The following LRCH1 variants were observed in gnomAD, a reference collection of about 807,000 sequenced individuals.
The protein encoded by LRCH1 is leucine rich repeats and calponin homology domain containing 1.
Under a neutral mutation model 94.9 loss-of-function variants are expected in LRCH1, and 23 were observed. The observed-to-expected ratio is 0.24, with a 90% CI of 0.17 to 0.34. LRCH1 has a LOEUF of 0.34. LRCH1 is among the 10% of genes least tolerant of loss of function. The probability of loss-of-function intolerance (pLI) is 1.00; values close to 1 mark genes in which losing one functional copy is unlikely to be tolerated. For missense variants in LRCH1, 790 were observed against 945.9 expected, an observed-to-expected ratio of 0.84 and a Z score of 2.16; for synonymous variants, 364 against 354.9, an observed-to-expected ratio of 1.03 and a Z score of -0.29.
intron 13 of LRCH1, among the ~76,000 whole-genome samples, chr13:46,710,547 C>A (rs997424093): frequency 1.3e-5 from 2 of 152,068 alleles, no homozygotes; most frequent in Admixed American, 1.3e-4. Context: ...GTCTGCGAGA[C>A]GATAGGACAA....
chr13:46,750,826 C>T (rs1051247655), exon 19 of LRCH1: 14 of 492,736 alleles, frequency 2.8e-5, no homozygotes, highest in African/African-American at 1.8e-4. Context: ...GAGCTGACCT[C>T]CGACTTTAAG....
chr13:46,572,242 G>T (rs2050249358), intron 1 of LRCH1, among the ~76,000 whole-genome samples: 1 of 152,176 alleles, frequency 6.6e-6, no homozygotes, highest in South Asian at 2.1e-4. Context: ...CTCTTTATGG[G>T]GAGGACTTTG....
Position 46,742,063 on chromosome 13 carries a change from A to G in LRCH1, c.*215A>G, listed in dbSNP as rs1046171928. 5.0e-6 allele frequency: 7 copies of G among 1,402,560 alleles called. No homozygotes were observed. In the African/African-American group the frequency reaches 1.0e-4, roughly 20 times the overall value. The allele number at this position is 1,402,560 out of a possible 1,614,324, so 86.9% of individuals were successfully genotyped here. ...AATTCCTCTCACTTACTGAAATACA[A>G]CGACGACGACTGCAAAGTGTATGCA... On this transcript the variant is annotated 3_prime_UTR_variant, in exon 20 of 20. Coordinates refer to ENST00000389797, the MANE Select transcript of LRCH1 (RefSeq NM_001164211.2).
At chr13:46,636,990 T>A (rs2051099323) in intron 1 of LRCH1, among the ~76,000 whole-genome samples, 1 of 152,186 alleles carries the variant, frequency 6.6e-6, no homozygotes, top group Non-Finnish European at 1.5e-5. Flanking sequence ...CTGTGAACAC[T>A]TCCTTACCTG....
intron 1 of LRCH1, among the ~76,000 whole-genome samples, chr13:46,580,337 A>T (rs894500763): frequency 2.0e-5 from 3 of 152,298 alleles, no homozygotes; most frequent in African/African-American, 7.2e-5. Context: ...CCCTTCTGTC[A>T]TTACTTCCTT....
intron 1 of LRCH1, among the ~76,000 whole-genome samples, chr13:46,628,741 G>A (rs763713995): frequency 6.6e-6 from 1 of 151,798 alleles, no homozygotes; most frequent in Non-Finnish European, 1.5e-5. Context: ...GGTGCAGTGT[G>A]GGGTGCTCTG....
chr13:46,556,406 A>G lies in LRCH1; in HGVS notation c.307+2703A>G, dbSNP rs77418908. On this transcript the variant is annotated intron_variant, in intron 1 of 19. Transcript: ENST00000389797. ...TTCAAGCTCTCATTTTGAGCCTATT[A>G]ATTTACTTCTATTTGAATCAAAATA... is the stretch of plus-strand genomic sequence containing the variant. 1.2e-4 allele frequency among the ~76,000 whole-genome samples: 18 copies of G among 152,336 alleles called. 1 individual carries two copies. In the East Asian group the frequency reaches 3.1e-3, roughly 26 times the overall value.
intron 1 of LRCH1, among the ~76,000 whole-genome samples, chr13:46,645,063 A>C (rs1391259365): frequency 6.6e-6 from 1 of 151,226 alleles, no homozygotes; most frequent in African/African-American, 2.4e-5. Context: ...AAAATGCCAG[A>C]GTTTTCCCTC....
chr13:46,592,466 C>G (rs1357387358), intron 1 of LRCH1, among the ~76,000 whole-genome samples: 1 of 152,200 alleles, frequency 6.6e-6, no homozygotes, highest in Non-Finnish European at 1.5e-5. Context: ...CTGTCCCACA[C>G]ATGGTGCTAA....
chr13:46,670,660 C>A (rs568466562), intron 3 of LRCH1, among the ~76,000 whole-genome samples: 1 of 151,780 alleles, frequency 6.6e-6, no homozygotes, highest in Non-Finnish European at 1.5e-5. Context: ...CCCATCCCCC[C>A]CCAACCCTGT....
intron 2 of LRCH1, among the ~76,000 whole-genome samples, chr13:46,657,981 A>G (rs77231304): frequency 0.016 from 2,454 of 152,048 alleles, 59 homozygotes; most frequent in African/African-American, 0.056. Context: ...TGAATGAGAT[A>G]TATTTCTTTG....
intron 8 of LRCH1, 136 bp downstream of exon 8, chr13:46,692,777 G>A (rs1180065139): frequency 1.6e-6 from 1 of 628,548 alleles, no homozygotes; most frequent in Non-Finnish European, 2.7e-6. Context: ...GTTCTTCTGG[G>A]AAGTTGAGCT....
intron 18 of LRCH1, among the ~76,000 whole-genome samples, chr13:46,729,499 C>T (rs909674701): frequency 9.4e-5 from 14 of 149,182 alleles, no homozygotes; most frequent in African/African-American, 3.2e-4. Context: ...CTGTAGTGAG[C>T]CATGATTGTG....
chr13:46,701,239 T>G, intron 11 of LRCH1, 32 bp downstream of exon 11: 8 of 1,421,904 alleles, frequency 5.6e-6, no homozygotes, highest in Non-Finnish European at 8.0e-6. Context: ...AGGTTTCATG[T>G]GTAAATAATG....
Position 46,613,167 on chromosome 13 carries a change from G to A in LRCH1, c.308-37034G>A, listed in dbSNP as rs184541377. Among the ~76,000 whole-genome samples the A allele has an allele frequency of 3.3e-3, 507 of 152,292 alleles. 3 individuals are homozygous for A. Among genetic ancestry groups the A allele is most frequent in the South Asian group, 0.02 (96 of 4,834 alleles). On this transcript the variant is annotated intron_variant, in intron 1 of 19. Coordinates refer to ENST00000389797, the MANE Select transcript of LRCH1 (RefSeq NM_001164211.2). ...AGCACTTTGGGAGGCCAAGGCAGGA[G>A]GATCACGAGGTCAGGAGATCGAGAC...
At chr13:46,720,750 G>A (rs1313957577) in intron 16 of LRCH1, among the ~76,000 whole-genome samples, 6 of 152,152 alleles carry the variant, frequency 3.9e-5, no homozygotes, top group Non-Finnish European at 7.3e-5. Flanking sequence ...AATTTAATCA[G>A]AGGTACTTTA....
At chr13:46,636,971 G>T (rs150906942) in intron 1 of LRCH1, among the ~76,000 whole-genome samples, 1 of 152,018 alleles carries the variant, frequency 6.6e-6, no homozygotes, top group African/African-American at 2.4e-5. Context: ...CATTTGTCCC[G>T]AGGCCCAGCT....
intron 15 of LRCH1, among the ~76,000 whole-genome samples, chr13:46,713,052 T>C (rs991445772): frequency 4.6e-5 from 7 of 152,196 alleles, no homozygotes; most frequent in Non-Finnish European, 7.3e-5. Context: ...ATTTCAAGGC[T>C]TGCATGAGTG....
intron 1 of LRCH1, among the ~76,000 whole-genome samples, chr13:46,583,178 C>G (rs565087480): frequency 6.6e-6 from 1 of 152,240 alleles, no homozygotes; most frequent in African/African-American, 2.4e-5. Flanking sequence ...TGACAGTTAC[C>G]AAAACAAGTC....
Sources: gnomAD v4.1 joint callset for allele counts (sites outside exome capture counted in the v4.1 genomes callset) on GRCh38, gnomAD v4.1.1 for gene constraint, MANE v1.5 for transcripts, NCBI Gene and HGNC (gene_info 2026-07-23, HGNC 2026-07-21) for gene names.